RABGEF1: variants seen among roughly 807,000 people sequenced by gnomAD.
The protein encoded by RABGEF1 is rab5 GDP/GTP exchange factor.
Under a neutral mutation model 57.3 loss-of-function variants are expected in RABGEF1, and 26 were observed. The observed-to-expected ratio is 0.45, with a 90% confidence interval of 0.33 to 0.63. RABGEF1 has a LOEUF of 0.63. Among genes scored for constraint, RABGEF1 ranks in the 20% least tolerant of loss-of-function variants. The pLI is 0.02. For synonymous variants in RABGEF1, 185 were observed against 210.7 expected (o/e 0.88, Z 1.06); for missense variants, 464 against 607.6 (o/e 0.76, Z 2.48).
At chr7:66,735,754 T>C (rs760699846), upstream of RABGEF1, among the ~76,000 whole-genome samples, 37 of 152,304 alleles carry the variant, frequency 2.4e-4, no homozygotes, top group Non-Finnish European at 4.4e-4. Flanking sequence ...TCTGCCATGA[T>C]TGTAAGTTTC....
At chr7:66,662,562 A>G in the RABGEF1 span, among the ~76,000 whole-genome samples, 1 of 152,220 alleles carries the variant, frequency 6.6e-6, no homozygotes, top group African/African-American at 2.4e-5. Flanking sequence ...AGGTAGAGAC[A>G]GGCAGGGAGG....
the RABGEF1 span, among the ~76,000 whole-genome samples, chr7:66,676,425 C>T: frequency 6.6e-6 from 1 of 152,096 alleles, no homozygotes; most frequent in African/African-American, 2.4e-5. Context: ...CTGCAGAACC[C>T]CTGCTTATAA....
chr7:66,681,271 A>ACATG (rs1223170004), upstream of RABGEF1, among the ~76,000 whole-genome samples: 1 of 152,186 alleles, frequency 6.6e-6, no homozygotes, highest in East Asian at 1.9e-4. Flanking sequence ...GCATGTAGCT[A>ACATG]CTGTTTTTAA....
In RABGEF1 at chr7:66,768,411, G is replaced by C. The variant is rs541164235; in HGVS notation, c.-17-3472G>C. On this transcript the variant is annotated intron_variant, in intron 1 of 8. Transcript: ENST00000284957. Reference sequence around the variant, plus strand: ...GTTTGTTTTCTGACATCTGAGTTTTGAGAGTTCTTTATACATTCTGGGTAT... The same window carrying C: ...GTTTGTTTTCTGACATCTGAGTTTTCAGAGTTCTTTATACATTCTGGGTAT... Among the ~76,000 whole-genome samples, 4 of 152,274 alleles carry C rather than the reference G, an allele frequency of 2.6e-5. No homozygotes were observed. The South Asian group carries it at 6.2e-4, about 24-fold the overall frequency.
intron 1 of RABGEF1, among the ~76,000 whole-genome samples, chr7:66,691,436 C>A (rs1791499263): frequency 6.6e-6 from 1 of 151,860 alleles, no homozygotes; most frequent in African/African-American, 2.4e-5. Context: ...GGATAGTACT[C>A]AGAACAAAAT....
chr7:66,701,488 G>A (rs1286342309), intron 1 of RABGEF1, among the ~76,000 whole-genome samples: 1 of 149,306 alleles, frequency 6.7e-6, no homozygotes, highest in Non-Finnish European at 1.5e-5. Flanking sequence ...GACAGAGCGA[G>A]ACTCTGACTC....
At position 66,729,418 on chromosome 7, in the gene RABGEF1, ATC is replaced by A. The variant is rs1210680925; in HGVS notation, c.-814-10574_-814-10573del. Among the ~76,000 whole-genome samples the A allele has an allele frequency of 4.0e-5, 6 of 151,496 alleles. No individual in the cohort carries two copies. The East Asian group carries it at 7.8e-4, about 20-fold the overall frequency. ...CTGTCCCTCTTTCACCTCCATCCTC[ATC>A]TCTGTCCTCCCGTCTATTCTCCTCT... On this transcript the variant is annotated intron_variant and NMD_transcript_variant, in intron 2 of 9. Transcript: ENST00000607882.
chr7:66,754,309 T>G (rs1360694935), intron 1 of RABGEF1, among the ~76,000 whole-genome samples: 1 of 151,704 alleles, frequency 6.6e-6, no homozygotes, highest in East Asian at 1.9e-4. Flanking sequence ...GCCTTTGCCA[T>G]CAGTTTTTAA....
intron 4 of RABGEF1, among the ~76,000 whole-genome samples, chr7:66,790,804 G>T (rs764379118): frequency 4.2e-4 from 64 of 152,224 alleles, no homozygotes; most frequent in Non-Finnish European, 7.9e-4. Flanking sequence ...TTTTAGTACC[G>T]CATGTTTAAT....
intron 1 of RABGEF1, among the ~76,000 whole-genome samples, chr7:66,761,623 C>G (rs1269928178): frequency 6.6e-6 from 1 of 152,092 alleles, no homozygotes; most frequent in Admixed American, 6.5e-5. Context: ...AGCATTCGTC[C>G]CTCAGAGTAC....
intron 1 of RABGEF1, among the ~76,000 whole-genome samples, chr7:66,685,631 C>A (rs1790508784): frequency 6.6e-6 from 1 of 152,202 alleles, no homozygotes; most frequent in African/African-American, 2.4e-5. Flanking sequence ...CCCAGTTGGG[C>A]ACACAAGTGT....
chr7:66,685,553 A>C (rs1790494255), intron 1 of RABGEF1, among the ~76,000 whole-genome samples: 1 of 152,218 alleles, frequency 6.6e-6, no homozygotes, highest in African/African-American at 2.4e-5. Context: ...TTCTTTCTGT[A>C]AGGATGTCTG....
chr7:66,694,543 T>G (rs1456871660), intron 1 of RABGEF1, among the ~76,000 whole-genome samples: 1 of 152,210 alleles, frequency 6.6e-6, no homozygotes, highest in Non-Finnish European at 1.5e-5. Context: ...AGGGGCACGG[T>G]CAGGTTTGCA....
rs574298272 is a variant in RABGEF1 at position 66,703,013 on chromosome 7, G to A, written c.-872-9154G>A. Among the ~76,000 whole-genome samples the A allele has an allele frequency of 8.6e-4, 131 of 152,104 alleles. 1 individual carries two copies. Among genetic ancestry groups the A allele is most frequent in the African/African-American group, 3.0e-3 (125 of 41,478 alleles). On this transcript the variant is annotated intron_variant and NMD_transcript_variant, in intron 1 of 9. Coordinates refer to the RABGEF1 transcript ENST00000607882. ...TGAGAAGGAGTCTCGCTCTGTCGCC[G>A]CCCAGGCTGGAGGGCAGTGGTGCTA...
intron 2 of RABGEF1, among the ~76,000 whole-genome samples, chr7:66,713,309 T>G (rs1270397477): frequency 6.6e-6 from 1 of 151,878 alleles, no homozygotes; most frequent in African/African-American, 2.4e-5. Context: ...GCCCAGCTAA[T>G]TTTTTGTATT....
intron 1 of RABGEF1, among the ~76,000 whole-genome samples, chr7:66,700,436 A>C (rs1793066478): frequency 6.9e-6 from 1 of 145,456 alleles, no homozygotes; most frequent in Admixed American, 7.0e-5. Context: ...TCCTGGGAAA[A>C]GGCCACAGCC....
intron 1 of RABGEF1, among the ~76,000 whole-genome samples, chr7:66,762,040 C>T (rs904802055): frequency 2.0e-5 from 3 of 151,438 alleles, no homozygotes; most frequent in African/African-American, 4.9e-5. Context: ...GGCAACAGAG[C>T]GAGACCCTGT....
At position 66,686,215 on chromosome 7, in the gene RABGEF1, A is replaced by G. The variant is rs559868221; in HGVS notation, c.-873+3957A>G. Reference sequence around the variant, plus strand: ...AGAATCTCTTGAACCCAGTAGGTGGAGGTTGCAATGAGCCGAGATTGTGCC... The same window carrying G: ...AGAATCTCTTGAACCCAGTAGGTGGGGGTTGCAATGAGCCGAGATTGTGCC... On this transcript the variant is annotated intron_variant and NMD_transcript_variant, in intron 1 of 9. Coordinates refer to the RABGEF1 transcript ENST00000607882. 3.3e-5 allele frequency among the ~76,000 whole-genome samples: 5 copies of G among 150,074 alleles called. No homozygotes were observed. The South Asian group carries it at 1.1e-3, about 32-fold the overall frequency.
chr7:66,699,657 A>T (rs1792917660), intron 1 of RABGEF1, among the ~76,000 whole-genome samples: 1 of 151,158 alleles, frequency 6.6e-6, no homozygotes, highest in African/African-American at 2.4e-5. Flanking sequence ...GTGCCACTGC[A>T]CTCCAACCTT....
Sources: allele counts gnomAD v4.1 joint callset (sites outside exome capture counted in the v4.1 genomes callset), GRCh38; gene constraint gnomAD v4.1.1; transcripts MANE v1.5; gene names NCBI Gene and HGNC (gene_info 2026-07-23, HGNC 2026-07-21).